SP4: variants seen among roughly 807,000 people sequenced by gnomAD.
SP4 encodes Sp4 transcription factor, also known as transcription factor Sp4.
A neutral mutation model predicts 72.8 loss-of-function variants in SP4; 19 were observed. That is an observed-to-expected ratio of 0.26 (90% CI 0.18 to 0.38). The LOEUF (loss-of-function observed/expected upper bound fraction) is 0.38. Among genes scored for constraint, SP4 ranks in the 10% least tolerant of loss-of-function variants. The probability of loss-of-function intolerance (pLI) is 1.00; values close to 1 mark genes in which losing one functional copy is unlikely to be tolerated. For missense variants in SP4, 1,008 were observed against 926.3 expected (o/e 1.09, Z -1.14); for synonymous variants, 395 against 333.1 (o/e 1.19, Z -2.02).
intron 5 of SP4, among the ~76,000 whole-genome samples, chr7:21,504,055 C>G (rs947602446): frequency 6.6e-6 from 1 of 152,178 alleles, no homozygotes. Flanking sequence ...AAACTGGGGC[C>G]TTAATACTAG....
intron 5 of SP4, among the ~76,000 whole-genome samples, chr7:21,495,166 G>C (rs1396922196): frequency 6.6e-6 from 1 of 152,130 alleles, no homozygotes; most frequent in Non-Finnish European, 1.5e-5. Flanking sequence ...TTGCAGCCTT[G>C]AGATAGGCTA....
intron 5 of SP4, among the ~76,000 whole-genome samples, chr7:21,485,589 T>C (rs1784793171): frequency 6.6e-6 from 1 of 152,008 alleles, no homozygotes; most frequent in Non-Finnish European, 1.5e-5. Flanking sequence ...AGTTCTTGCA[T>C]TTAGAATTAA....
rs923999266 is a variant in SP4, at chr7:21,514,111, A to G, written c.*2842A>G. On this transcript the variant is annotated 3_prime_UTR_variant, in exon 6 of 6. Transcript: ENST00000222584. ...ATCATGGTAAAACTCCAGTGTTAGA[A>G]TAGTTTTTTCTTACAGTATACTTTC... is the stretch of plus-strand genomic sequence containing the variant. The G allele has an allele frequency of 2.0e-5, 3 of 152,604 alleles. No homozygotes were observed. The highest frequency in any genetic ancestry group is 2.1e-4 in the South Asian group (1 of 4,834). 9.5% of individuals were successfully genotyped at this position (152,604 alleles called of 1,614,324 possible).
At position 21,457,032 on chromosome 7, in the gene SP4, A is replaced by C. The variant is rs375356276; in HGVS notation, c.1679-20047A>C. Among the ~76,000 whole-genome samples the C allele has an allele frequency of 5.4e-5, 3 of 55,468 alleles. No homozygotes were observed. The South Asian group carries it at 1.4e-3, about 26-fold the overall frequency. The allele number at this position is 55,468 out of a possible 152,430, so 36.4% of individuals were successfully genotyped here. On this transcript the variant is annotated intron_variant, in intron 3 of 5. Coordinates refer to ENST00000222584, the MANE Select transcript of SP4 (RefSeq NM_003112.5). ...GTTGAATGCCTCCAGCCTAAGAAGGAAGGCATAGAGGTATCTTACCACTGG... is the reference window on the plus strand; with the variant it reads ...GTTGAATGCCTCCAGCCTAAGAAGGCAGGCATAGAGGTATCTTACCACTGG...
chr7:21,489,767 G>A (rs112959154), intron 5 of SP4, among the ~76,000 whole-genome samples: 1 of 151,888 alleles, frequency 6.6e-6, no homozygotes, highest in Non-Finnish European at 1.5e-5. Context: ...CACTGTGTTA[G>A]CCAGGATGAT....
chr7:21,496,132 G>T (rs1781697850), intron 5 of SP4, among the ~76,000 whole-genome samples: 1 of 152,130 alleles, frequency 6.6e-6, no homozygotes, highest in African/African-American at 2.4e-5. Flanking sequence ...ACACTACAAA[G>T]GAATTTTTGG....
intron 3 of SP4, among the ~76,000 whole-genome samples, chr7:21,434,115 C>T (rs1337894436): frequency 1.3e-5 from 2 of 152,044 alleles, no homozygotes; most frequent in Non-Finnish European, 2.9e-5. Flanking sequence ...CTTTCTTGGT[C>T]GGTTCATGTT....
At position 21,430,725 on chromosome 7, in the gene SP4, A is replaced by G. The variant is rs1437522696; in HGVS notation, c.1560A>G (p.Ile520Met). 1 of 1,614,192 alleles carries G rather than the reference A, an allele frequency of 6.2e-7. No individual in the cohort carries two copies. The highest frequency in any genetic ancestry group is 8.5e-7 in the Non-Finnish European group (1 of 1,180,044). The change falls in exon 3 of 6, where the codon ATA (isoleucine) becomes ATG (methionine). Residue 520 changes from isoleucine to methionine, a missense_variant. Physicochemically the swap from Ile to Met is conservative, Grantham distance 10. Around this residue, in one of 3 missense-constraint regions of SP4, gnomAD observed 893 missense variants for 743.3 expected, o/e 1.20. Coordinates refer to ENST00000222584, the MANE Select transcript of SP4 (RefSeq NM_003112.5). The stretch of plus-strand genomic sequence containing the variant: ...CTGTGGCTGTTGCTGGTGCCCCAAT[A>G]ACTTTGAATACTGCCCAGCTTGCAT... ...IAPVAVAGAP[I>M]TLNTAQLASV...
At chr7:21,494,499 A>G (rs1401503805) in intron 5 of SP4, among the ~76,000 whole-genome samples, 1 of 152,230 alleles carries the variant, frequency 6.6e-6, no homozygotes, top group Non-Finnish European at 1.5e-5. Flanking sequence ...ATAACGGGAT[A>G]TAAGTAGTTT....
chr7:21,429,845 A>T lies in SP4; in HGVS notation c.680A>T (p.Gln227Leu). ...ATTCTTGCTCAAAACCTGGCAAATC[A>T]GACAGTTCCGGTCCAAATTAGACCT... is the stretch of plus-strand genomic sequence containing the variant. ...GNILAQNLANQTVPVQIRPGV... is the reference protein window; with the variant it reads ...GNILAQNLANLTVPVQIRPGV... Residue 227 changes from glutamine (Q) to leucine (L), a missense_variant, in exon 3 of 6, where the codon CAG becomes CTG. Gln to Leu is a moderately radical substitution (Grantham distance 113). Coordinates refer to ENST00000222584, the MANE Select transcript of SP4 (RefSeq NM_003112.5). 1 of 1,614,260 alleles carries T rather than the reference A, an allele frequency of 6.2e-7. No homozygotes were observed. The highest frequency in any genetic ancestry group is 1.1e-5 in the South Asian group (1 of 91,090).
chr7:21,432,081 C>T (rs1338660954), intron 3 of SP4, among the ~76,000 whole-genome samples: 1 of 152,230 alleles, frequency 6.6e-6, no homozygotes, highest in African/African-American at 2.4e-5. Flanking sequence ...TGTTTTCTAT[C>T]TACCTAGCTA....
chr7:21,428,183 G>GGCCCGGCCCCCCC lies in SP4; in HGVS notation c.-69_-68insGCCCGGCCCCCCC. 1 of 370,468 alleles carries GGCCCGGCCCCCCC rather than the reference G, an allele frequency of 2.7e-6. No individual in the cohort carries two copies. Among genetic ancestry groups the GGCCCGGCCCCCCC allele is most frequent in the East Asian group, 6.3e-5 (1 of 15,946 alleles). 22.9% of individuals were successfully genotyped at this position (370,468 alleles called of 1,614,324 possible). On this transcript the variant is annotated 5_prime_UTR_variant, in exon 1 of 6. Coordinates refer to ENST00000222584, the MANE Select transcript of SP4 (RefSeq NM_003112.5). ...GCGGGCGGGACCGGCCTCTCCTCCC[G>GGCCCGGCCCCCCC]CCTCGCCCCCACCCCCACCCACCTC...
chr7:21,508,634 A>C (rs1298570038), intron 5 of SP4, among the ~76,000 whole-genome samples: 3 of 151,876 alleles, frequency 2.0e-5, no homozygotes, highest in Non-Finnish European at 4.4e-5. Context: ...GCCTAAATAC[A>C]GTTTGTTTGT....
intron 3 of SP4, among the ~76,000 whole-genome samples, chr7:21,436,982 T>A (rs144337306): frequency 6.6e-6 from 1 of 152,304 alleles, no homozygotes; most frequent in East Asian, 1.9e-4. Context: ...GTCTTTCTAC[T>A]GCATTTTTGG....
At chr7:21,479,266 T>TG (rs1385099652) in intron 4 of SP4, among the ~76,000 whole-genome samples, 3 of 149,564 alleles carry the variant, frequency 2.0e-5, no homozygotes, top group South Asian at 2.1e-4. Flanking sequence ...TCCTAGTTGT[T>TG]TTTTTTTTTT....
chr7:21,488,675 G>A (rs1288215661), intron 5 of SP4, among the ~76,000 whole-genome samples: 1 of 151,720 alleles, frequency 6.6e-6, no homozygotes, highest in African/African-American at 2.4e-5. Context: ...CGGGAGAACT[G>A]CTTGTGCTAG....
In SP4 at chr7:21,428,710, C is replaced by T. The variant is rs1193339718; in HGVS notation, c.41C>T (p.Ala14Val). 2 of 1,554,564 alleles carry T rather than the reference C, an allele frequency of 1.3e-6. No homozygotes were observed. The highest frequency in any genetic ancestry group is 2.7e-5 in the African/African-American group (2 of 73,044). Residue 14 changes from alanine (A) to valine (V), a missense_variant, in exon 2 of 6, where the codon GCG becomes GTG. Physicochemically the swap from Ala to Val is moderately conservative, Grantham distance 64 (BLOSUM62 0). Transcript: ENST00000222584. ...QKKEEEEEAA[A>V]AAAMATEGGK... The stretch of plus-strand genomic sequence containing the variant: ...AAGGAGGAGGAGGAGGAGGCGGCAG[C>T]GGCAGCGGCGATGGCTACAGAAGGA...
chr7:21,502,689 C>A (rs1168119337), intron 5 of SP4, among the ~76,000 whole-genome samples: 1 of 152,168 alleles, frequency 6.6e-6, no homozygotes, highest in Non-Finnish European at 1.5e-5. Flanking sequence ...GTTTGCTTTA[C>A]ATCCTTTACC....
chr7:21,429,746 G>T lies in SP4; in HGVS notation c.581G>T (p.Gly194Val), dbSNP rs1782768904. The T allele has an allele frequency of 6.2e-7, 1 of 1,614,056 alleles. No individual in the cohort carries two copies. Among genetic ancestry groups the T allele is most frequent in the Non-Finnish European group, 8.5e-7 (1 of 1,179,968 alleles). ...AGTTCATCTCTACAGGATTTGCAGG[G>T]TCAAATTCAGCTCATTTCTGCAGGT... ...TSSSSLQDLQ[G>V]QIQLISAGNN... The change falls in exon 3 of 6, where the codon GGT (glycine) becomes GTT (valine). Residue 194 changes from glycine (G) to valine (V), a missense_variant. By Grantham distance (109) the Gly-to-Val change is moderately radical (BLOSUM62 -3). This residue lies in a region of SP4 where 893 missense variants were observed against 743.3 expected (regional missense o/e 1.20). Transcript: ENST00000222584.
Sources: allele counts gnomAD v4.1 joint callset (sites outside exome capture counted in the v4.1 genomes callset), GRCh38; gene constraint gnomAD v4.1.1; regional missense constraint gnomAD v4.1.1; transcripts MANE v1.5; gene names NCBI Gene and HGNC (gene_info 2026-07-23, HGNC 2026-07-21).